The following ZNF407 variants were observed in gnomAD, a reference collection of about 807,000 sequenced individuals.
ZNF407 encodes the protein zinc finger protein 407.
ZNF407 carries 17 observed loss-of-function variants against 131.2 expected under a neutral mutation model. The ratio of observed to expected loss-of-function variants is 0.13; its 90% CI spans 0.09 to 0.19. The LOEUF is 0.19. ZNF407 is among the 10% of genes least tolerant of loss of function. The probability of loss-of-function intolerance (pLI) is 1.00; values close to 1 mark genes in which losing one functional copy is unlikely to be tolerated. For synonymous variants in ZNF407, 1,156 were observed against 1,062.0 expected, an observed-to-expected ratio of 1.09 and a Z score of -1.72; for missense variants, 2,681 against 2,830.6, an observed-to-expected ratio of 0.95 and a Z score of 1.20.
intron 4 of ZNF407, among the ~76,000 whole-genome samples, chr18:74,855,914 C>T (rs912309054): frequency 5.3e-5 from 8 of 152,158 alleles, no homozygotes; most frequent in Non-Finnish European, 1.0e-4. Context: ...ATACACACCT[C>T]ACACTGAAAG....
intron 5 of ZNF407, among the ~76,000 whole-genome samples, chr18:74,878,219 C>T (rs1971186386): frequency 6.6e-6 from 1 of 152,082 alleles, no homozygotes; most frequent in African/African-American, 2.4e-5. Flanking sequence ...TGGCCATATT[C>T]CTGTGAGCTG....
intron 8 of ZNF407, among the ~76,000 whole-genome samples, chr18:75,018,413 T>A (rs1973070108): frequency 6.6e-6 from 1 of 151,998 alleles, no homozygotes; most frequent in East Asian, 1.9e-4. Context: ...TAGAACTGAT[T>A]GGGATTTGTC....
At chr18:74,770,672 A>G (rs1355939988) in intron 3 of ZNF407, among the ~76,000 whole-genome samples, 1 of 152,170 alleles carries the variant, frequency 6.6e-6, no homozygotes, top group Non-Finnish European at 1.5e-5. Context: ...GAAATAAAGC[A>G]GTACAACCTT....
At chr18:74,927,874 A>C (rs1971934583) in intron 8 of ZNF407, among the ~76,000 whole-genome samples, 2 of 152,218 alleles carry the variant, frequency 1.3e-5, no homozygotes, top group African/African-American at 4.8e-5. Context: ...TAACAGTCTG[A>C]GCATATACTA....
At chr18:74,999,358 A>T (rs898487344) in intron 8 of ZNF407, among the ~76,000 whole-genome samples, 40 of 144,942 alleles carry the variant, frequency 2.8e-4, no homozygotes, top group Non-Finnish European at 1.0e-4. Context: ...TAAAAAAAAA[A>T]AAAAAAAAAA....
At chr18:74,993,717 T>G (rs953861420) in intron 8 of ZNF407, among the ~76,000 whole-genome samples, 2 of 152,214 alleles carry the variant, frequency 1.3e-5, no homozygotes, top group African/African-American at 2.4e-5. Flanking sequence ...TAGTTAACAG[T>G]GTTCCCTAAT....
At chr18:74,809,879 T>C (rs552387339) in intron 4 of ZNF407, among the ~76,000 whole-genome samples, 2 of 152,216 alleles carry the variant, frequency 1.3e-5, no homozygotes, top group South Asian at 2.1e-4. Flanking sequence ...AGTGGTCAGA[T>C]TGGTGATAAA....
At chr18:74,648,780 C>T (rs539364890) in intron 3 of ZNF407, among the ~76,000 whole-genome samples, 1 of 152,330 alleles carries the variant, frequency 6.6e-6, no homozygotes, top group South Asian at 2.1e-4. Flanking sequence ...TACCATGGTA[C>T]CAGATGCTGT....
At chr18:74,990,301 G>A (rs978164889) in intron 8 of ZNF407, among the ~76,000 whole-genome samples, 1 of 152,154 alleles carries the variant, frequency 6.6e-6, no homozygotes, top group African/African-American at 2.4e-5. Context: ...GCTCAACCAA[G>A]TTTACTGTGA....
chr18:74,654,947 G>A (rs776328937), intron 3 of ZNF407, among the ~76,000 whole-genome samples: 26 of 151,692 alleles, frequency 1.7e-4, no homozygotes, highest in Non-Finnish European at 2.8e-4. Flanking sequence ...CTTATTTCAC[G>A]TGCTTAGTCA....
chr18:75,060,507 CTTT>C (rs564194650), intron 8 of ZNF407, among the ~76,000 whole-genome samples: 2 of 124,454 alleles, frequency 1.6e-5, no homozygotes, highest in Non-Finnish European at 1.6e-5. Context: ...TTCTTTTTTT[CTTT>C]TTTTTTTTTT....
chr18:74,741,098 A>G (rs1968537580), intron 3 of ZNF407, among the ~76,000 whole-genome samples: 3 of 152,236 alleles, frequency 2.0e-5, no homozygotes. Flanking sequence ...TGATTGTGAC[A>G]TATAAGATGG....
chr18:74,992,229 A>G (rs1388629639), intron 8 of ZNF407, among the ~76,000 whole-genome samples: 4 of 152,254 alleles, frequency 2.6e-5, no homozygotes, highest in Non-Finnish European at 5.9e-5. Context: ...AACAAAAGGC[A>G]TAGTAAATAA....
chr18:74,682,842 C>A (rs535999112), intron 3 of ZNF407, among the ~76,000 whole-genome samples: 4 of 152,108 alleles, frequency 2.6e-5, no homozygotes, highest in South Asian at 4.1e-4. Flanking sequence ...TGCTGACAGG[C>A]GCATTTTCCA....
chr18:74,868,190 T>A (rs898466605), intron 4 of ZNF407, among the ~76,000 whole-genome samples: 5 of 152,260 alleles, frequency 3.3e-5, no homozygotes, highest in Admixed American at 2.0e-4. Context: ...TGTGTAGGTA[T>A]ATAGCTTGAA....
rs149535157 is a variant in ZNF407 at position 74,760,791 on chromosome 18, A to G, written c.4803-20637A>G. Among the ~76,000 whole-genome samples the G allele has an allele frequency of 4.7e-3, 719 of 152,136 alleles. 8 individuals are homozygous for G. The highest frequency in any genetic ancestry group is 0.017 in the African/African-American group (691 of 41,484). ...GGTTTTCAGATCTACTCTAGTCATC[A>G]TTTTGTTGTTTTTCTGGAGTCTTAC... On this transcript the variant is annotated intron_variant, in intron 3 of 8. Transcript: ENST00000299687.
rs1984165083 is a variant in ZNF407, at chr18:74,632,492, G to A, written c.1473G>A (p.Val491=). The A allele has an allele frequency of 1.9e-6, 3 of 1,613,912 alleles. No homozygotes were observed. In the Admixed American group the frequency reaches 5.0e-5, roughly 27 times the overall value. The change falls in exon 2 of 9, where the codon GTG becomes GTA. Residue 491 remains valine, a synonymous_variant. Coordinates refer to ENST00000299687, the MANE Select transcript of ZNF407 (RefSeq NM_017757.3). Reference sequence around the variant, plus strand: ...GCAGCAGTGTGCAGAGAGTGTGTGTGACTACCTCAGAAACCCAGGAGGCAG... The same window carrying A: ...GCAGCAGTGTGCAGAGAGTGTGTGTAACTACCTCAGAAACCCAGGAGGCAG... ...EACSSVQRVC[V]TTSETQEAEQ...
intron 3 of ZNF407, among the ~76,000 whole-genome samples, chr18:74,643,092 A>C (rs1484495759): frequency 6.6e-6 from 1 of 152,070 alleles, no homozygotes; most frequent in Admixed American, 6.6e-5. Flanking sequence ...TCCCTATTTC[A>C]TGTGTTTCAA....
chr18:74,889,616 A>C (rs1390724550), intron 6 of ZNF407, among the ~76,000 whole-genome samples: 2 of 152,088 alleles, frequency 1.3e-5, no homozygotes, highest in Non-Finnish European at 2.9e-5. Flanking sequence ...GGTTTATTAA[A>C]CCATTCTAAA....
Sources: gnomAD v4.1 joint callset for allele counts (sites outside exome capture counted in the v4.1 genomes callset) on GRCh38, gnomAD v4.1.1 for gene constraint, MANE v1.5 for transcripts, NCBI Gene and HGNC (gene_info 2026-07-23, HGNC 2026-07-21) for gene names.